Variants in PHACTR1 observed in about 807,000 individuals in gnomAD.
The protein encoded by PHACTR1 is phosphatase and actin regulator 1, also known as RPEL repeat containing 1.
PHACTR1 carries 16 observed loss-of-function variants against 69.2 expected under a neutral mutation model. That is an observed-to-expected ratio of 0.23 (90% confidence interval 0.16 to 0.35). The LOEUF (loss-of-function observed/expected upper bound fraction) is 0.35, where lower values mean the gene tolerates loss of function less well. Ranked by LOEUF, PHACTR1 falls within the 10% of genes least tolerant of loss-of-function variation. PHACTR1 has a pLI of 1.00. For missense variants in PHACTR1, 510 were observed against 734.7 expected (o/e 0.69, Z 3.54); for synonymous variants, 312 against 284.5 (o/e 1.10, Z -0.97).
At chr6:13,209,856 A>G (rs1243723494) in intron 8 of PHACTR1, among the ~76,000 whole-genome samples, 1 of 152,218 alleles carries the variant, frequency 6.6e-6, no homozygotes, top group Non-Finnish European at 1.5e-5. Context: ...TCTTATTTCT[A>G]ATCTTCCTTT....
chr6:12,962,484 A>C (rs1293570901), intron 4 of PHACTR1, among the ~76,000 whole-genome samples: 4 of 152,220 alleles, frequency 2.6e-5, no homozygotes, highest in Admixed American at 2.6e-4. Context: ...ATTAGGGAAC[A>C]TGGTACAGCC....
intron 4 of PHACTR1, among the ~76,000 whole-genome samples, chr6:12,799,481 A>T (rs1490433366): frequency 1.3e-5 from 2 of 152,250 alleles, no homozygotes; most frequent in Non-Finnish European, 2.9e-5. Context: ...TATAATGAAA[A>T]AAAAGGCATT....
At chr6:13,163,584 A>C (rs914865722) in intron 6 of PHACTR1, among the ~76,000 whole-genome samples, 1 of 152,212 alleles carries the variant, frequency 6.6e-6, no homozygotes, top group Non-Finnish European at 1.5e-5. Flanking sequence ...ATAGTAGTGT[A>C]TAGGTTTGTG....
At chr6:13,007,027 T>C (rs1389240411) in intron 4 of PHACTR1, among the ~76,000 whole-genome samples, 3 of 152,240 alleles carry the variant, frequency 2.0e-5, no homozygotes, top group Non-Finnish European at 2.9e-5. Context: ...TGAGATCATA[T>C]TTTAGTCAGT....
chr6:12,991,346 T>G (rs1796799499), intron 4 of PHACTR1, among the ~76,000 whole-genome samples: 2 of 152,188 alleles, frequency 1.3e-5, no homozygotes, highest in Non-Finnish European at 2.9e-5. Context: ...TAGATGGGCA[T>G]GTTTAGCTTG....
intron 5 of PHACTR1, among the ~76,000 whole-genome samples, chr6:13,090,996 T>C (rs1164830905): frequency 2.0e-5 from 3 of 151,842 alleles, no homozygotes; most frequent in Non-Finnish European, 4.4e-5. Flanking sequence ...AGCTTGTTTT[T>C]ATTTTCTTTT....
chr6:13,070,532 C>A (rs944581981), intron 5 of PHACTR1, among the ~76,000 whole-genome samples: 4 of 152,052 alleles, frequency 2.6e-5, no homozygotes, highest in Admixed American at 6.6e-5. Flanking sequence ...AATGATATAG[C>A]CCTAGAGGAT....
chr6:13,253,387 G>A (rs761389688), intron 10 of PHACTR1, among the ~76,000 whole-genome samples: 10 of 152,164 alleles, frequency 6.6e-5, no homozygotes, highest in Non-Finnish European at 1.5e-4. Context: ...GAGAAATCTA[G>A]AACCATGGTA....
chr6:12,770,138 G>A (rs1769192848), intron 4 of PHACTR1, among the ~76,000 whole-genome samples: 1 of 152,188 alleles, frequency 6.6e-6, no homozygotes, highest in South Asian at 2.1e-4. Context: ...TCCTTGCTGT[G>A]CCCTCCCATT....
chr6:13,006,439 C>T (rs1352850318), intron 4 of PHACTR1, among the ~76,000 whole-genome samples: 1 of 152,088 alleles, frequency 6.6e-6, no homozygotes, highest in Non-Finnish European at 1.5e-5. Flanking sequence ...TTCTACTTGG[C>T]CAAATGCTAA....
chr6:13,109,332 A>G (rs903519068), intron 5 of PHACTR1, among the ~76,000 whole-genome samples: 2 of 152,026 alleles, frequency 1.3e-5, no homozygotes, highest in African/African-American at 4.8e-5. Flanking sequence ...AGGCCTACTA[A>G]TGATAAATTG....
intron 4 of PHACTR1, among the ~76,000 whole-genome samples, chr6:12,906,025 A>G (rs904179309): frequency 3.3e-5 from 5 of 152,100 alleles, no homozygotes; most frequent in South Asian, 2.1e-4. Flanking sequence ...CTGCTTTTCT[A>G]TTTATGTAAT....
intron 5 of PHACTR1, among the ~76,000 whole-genome samples, chr6:13,076,624 T>A (rs1218278584): frequency 6.6e-6 from 1 of 152,066 alleles, no homozygotes; most frequent in Non-Finnish European, 1.5e-5. Flanking sequence ...AATTCCTTCC[T>A]CTGAGAGACT....
At position 12,889,860 on chromosome 6, in the gene PHACTR1, G is replaced by A. The variant is rs1784006573; in HGVS notation, c.250+140070G>A. On this transcript the variant is annotated intron_variant, in intron 4 of 14. Transcript: ENST00000332995. ...GAGATAGATTGGAGTCAAGCTATCTGGGGGCTTGTAAACATGTAGTCCCAC... is the reference window on the plus strand; with the variant it reads ...GAGATAGATTGGAGTCAAGCTATCTAGGGGCTTGTAAACATGTAGTCCCAC... 2.1e-5 allele frequency among the ~76,000 whole-genome samples: 3 copies of A among 144,730 alleles called. No individual in the cohort carries two copies. The Admixed American group carries it at 2.1e-4, about 10-fold the overall frequency. The allele number at this position is 144,730 out of a possible 152,430, so 94.9% of individuals were successfully genotyped here.
chr6:12,878,193 C>T (rs1007191410), intron 4 of PHACTR1, among the ~76,000 whole-genome samples: 5 of 152,210 alleles, frequency 3.3e-5, no homozygotes, highest in Non-Finnish European at 5.9e-5. Context: ...AGCCAAGAAC[C>T]TTACAGGGGC....
intron 5 of PHACTR1, among the ~76,000 whole-genome samples, chr6:13,058,098 A>T (rs1807077883): frequency 6.6e-6 from 1 of 152,204 alleles, no homozygotes; most frequent in African/African-American, 2.4e-5. Flanking sequence ...TCAGCTTCTT[A>T]TGTGAATCTG....
chr6:13,249,225 G>A (rs1774010004), intron 10 of PHACTR1, among the ~76,000 whole-genome samples: 1 of 152,192 alleles, frequency 6.6e-6, no homozygotes, highest in South Asian at 2.1e-4. Flanking sequence ...CCTGAGCCCT[G>A]CCTCCTGCCA....
intron 10 of PHACTR1, among the ~76,000 whole-genome samples, chr6:13,239,066 G>A (rs1372430001): frequency 1.3e-5 from 2 of 152,134 alleles, no homozygotes; most frequent in Admixed American, 1.3e-4. Flanking sequence ...AGGGAGTGGG[G>A]CACAGCTTAG....
At chr6:13,090,047 T>A (rs972593076) in intron 5 of PHACTR1, among the ~76,000 whole-genome samples, 2 of 151,790 alleles carry the variant, frequency 1.3e-5, no homozygotes, top group Middle Eastern at 3.4e-3. Context: ...TTGTTTTGGG[T>A]TTTTTTGTTG....
Sources: gnomAD v4.1 joint callset for allele counts (sites outside exome capture counted in the v4.1 genomes callset) on GRCh38, gnomAD v4.1.1 for gene constraint, MANE v1.5 for transcripts, NCBI Gene and HGNC (gene_info 2026-07-23, HGNC 2026-07-21) for gene names.